LRRC7: variants seen among roughly 807,000 people sequenced by gnomAD.
LRRC7 encodes the protein leucine-rich repeat-containing protein 7.
Under a neutral mutation model 175.7 loss-of-function variants are expected in LRRC7, and 23 were observed. The ratio of observed to expected loss-of-function variants is 0.13; its 90% CI spans 0.09 to 0.19. The LOEUF (loss-of-function observed/expected upper bound fraction) is 0.19, where lower values mean the gene tolerates loss of function less well. Ranked by LOEUF, LRRC7 falls within the 10% of genes least tolerant of loss-of-function variation. The pLI is 1.00. For synonymous variants in LRRC7, 685 were observed against 680.9 expected (o/e 1.01, Z -0.09); for missense variants, 1,354 against 1,904.7 (o/e 0.71, Z 5.38).
At chr1:69,598,718 T>G (rs1646937729) in intron 1 of LRRC7, among the ~76,000 whole-genome samples, 1 of 152,156 alleles carries the variant, frequency 6.6e-6, no homozygotes, top group South Asian at 2.1e-4. Flanking sequence ...ACCCATAAAT[T>G]TAACCATCAC....
At chr1:70,107,181 TA>T (rs1320266582) in intron 25 of LRRC7, among the ~76,000 whole-genome samples, 2 of 152,232 alleles carry the variant, frequency 1.3e-5, no homozygotes, top group Non-Finnish European at 2.9e-5. Flanking sequence ...CACATAGTCA[TA>T]AACTTTATTT....
chr1:69,923,485 T>G (rs1259378678), intron 7 of LRRC7, among the ~76,000 whole-genome samples: 1 of 152,064 alleles, frequency 6.6e-6, no homozygotes, highest in East Asian at 1.9e-4. Context: ...ACCTGTTGTT[T>G]CCTGACTTTT....
chr1:69,784,634 T>C (rs1674193694), intron 3 of LRRC7, among the ~76,000 whole-genome samples: 1 of 152,180 alleles, frequency 6.6e-6, no homozygotes. Flanking sequence ...CCTTTTGTTG[T>C]TAATTTTCTT....
intron 1 of LRRC7, among the ~76,000 whole-genome samples, chr1:69,587,083 G>C (rs1416513815): frequency 6.6e-6 from 1 of 152,070 alleles, no homozygotes; most frequent in African/African-American, 2.4e-5. Context: ...ATATTTGTAA[G>C]TATGCAAGTA....
intron 7 of LRRC7, among the ~76,000 whole-genome samples, chr1:69,911,138 C>G (rs193292146): frequency 0.011 from 1,680 of 152,324 alleles, 16 homozygotes; most frequent in Non-Finnish European, 0.018. Flanking sequence ...CTCCCTGACC[C>G]CTTGCGCTTC....
intron 11 of LRRC7, among the ~76,000 whole-genome samples, chr1:69,995,870 G>C (rs1428954787): frequency 1.3e-5 from 2 of 151,122 alleles, no homozygotes; most frequent in Admixed American, 6.6e-5. Flanking sequence ...ACATACGTGT[G>C]CATGTGTCTT....
At chr1:69,711,241 TA>T (rs1296778076) in intron 2 of LRRC7, among the ~76,000 whole-genome samples, 1 of 152,214 alleles carries the variant, frequency 6.6e-6, no homozygotes, top group Non-Finnish European at 1.5e-5. Context: ...GTCAAACCTG[TA>T]ATTCAATCTA....
intron 7 of LRRC7, among the ~76,000 whole-genome samples, chr1:69,844,132 T>C: frequency 1.3e-5 from 2 of 152,302 alleles, no homozygotes; most frequent in South Asian, 4.1e-4. Context: ...TTTATAACTG[T>C]TTCAACAAAA....
chr1:69,792,535 T>C (rs767256034), intron 4 of LRRC7, among the ~76,000 whole-genome samples: 13 of 152,032 alleles, frequency 8.6e-5, no homozygotes, highest in Non-Finnish European at 1.5e-4. Flanking sequence ...TTTGAAAATA[T>C]ACTCTTAATT....
chr1:70,012,646 C>T (rs1290158769), intron 12 of LRRC7, among the ~76,000 whole-genome samples: 1 of 151,258 alleles, frequency 6.6e-6, no homozygotes, highest in African/African-American at 2.4e-5. Context: ...CTGTTATAAA[C>T]AAAGATATAT....
At chr1:69,814,262 T>G (rs146019061) in intron 4 of LRRC7, among the ~76,000 whole-genome samples, 75 of 152,230 alleles carry the variant, frequency 4.9e-4, no homozygotes, top group African/African-American at 1.8e-3. Flanking sequence ...GATATTTAAA[T>G]AAAACTTCTA....
At chr1:69,576,364 T>C (rs934942496) in intron 1 of LRRC7, among the ~76,000 whole-genome samples, 8 of 152,192 alleles carry the variant, frequency 5.3e-5, no homozygotes, top group African/African-American at 1.9e-4. Flanking sequence ...ATTTATATTT[T>C]TTCTAATGCT....
At chr1:69,922,967 C>G (rs1033381449) in intron 7 of LRRC7, among the ~76,000 whole-genome samples, 5 of 152,016 alleles carry the variant, frequency 3.3e-5, no homozygotes, top group Non-Finnish European at 7.4e-5. Flanking sequence ...TCCCTCCCCC[C>G]TCCTGCCACC....
chr1:69,702,650 A>G (rs141805120), intron 2 of LRRC7, among the ~76,000 whole-genome samples: 19 of 152,162 alleles, frequency 1.2e-4, no homozygotes, highest in Non-Finnish European at 2.1e-4. Flanking sequence ...GCAACTTTTA[A>G]GAGCCACAAT....
intron 7 of LRRC7, among the ~76,000 whole-genome samples, chr1:69,921,628 G>A (rs760936294): frequency 6.6e-6 from 1 of 151,890 alleles, no homozygotes; most frequent in Non-Finnish European, 1.5e-5. Context: ...CCTTATTTCT[G>A]GCCCCAATTA....
intron 7 of LRRC7, chr1:69,919,356 G>C: frequency 1.6e-6 from 1 of 607,190 alleles, no homozygotes; most frequent in South Asian, 2.0e-5. Flanking sequence ...GAGGAGGAAA[G>C]ATGGCGGACG....
intron 24 of LRRC7, among the ~76,000 whole-genome samples, chr1:70,082,115 G>T (rs1663252400): frequency 6.6e-6 from 1 of 152,302 alleles, no homozygotes; most frequent in African/African-American, 2.4e-5. Flanking sequence ...CTGGTCAACT[G>T]CCCAAAGAGC....
chr1:70,078,808 GCGCACACACACACA>G (rs1279402780), intron 24 of LRRC7, among the ~76,000 whole-genome samples: 2 of 90,790 alleles, frequency 2.2e-5, no homozygotes, highest in Non-Finnish European at 4.4e-5. Flanking sequence ...GCGCGCGCGC[GCGCACACACACACA>G]CGCACACACA....
At chr1:69,982,680 G>A (rs1200706516) in intron 9 of LRRC7, among the ~76,000 whole-genome samples, 1 of 152,042 alleles carries the variant, frequency 6.6e-6, no homozygotes, top group Non-Finnish European at 1.5e-5. Context: ...TCAATCTAAG[G>A]TTAATCAACC....
Sources: gnomAD v4.1 joint callset for allele counts (sites outside exome capture counted in the v4.1 genomes callset) on GRCh38, gnomAD v4.1.1 for gene constraint, MANE v1.5 for transcripts, NCBI Gene and HGNC (gene_info 2026-07-23, HGNC 2026-07-21) for gene names.